Variants in BBOF1 observed in about 807,000 individuals in gnomAD.
The protein encoded by BBOF1 is basal body orientation factor 1.
A neutral mutation model predicts 68.0 loss-of-function variants in BBOF1; 62 were observed. That is an observed-to-expected ratio of 0.91 (90% CI 0.74 to 1.13). The LOEUF (loss-of-function observed/expected upper bound fraction) is 1.13, where lower values mean the gene tolerates loss of function less well. BBOF1 is among the 50% of genes most tolerant of loss of function. The probability of loss-of-function intolerance (pLI) is 0.00; values close to 1 mark genes in which losing one functional copy is unlikely to be tolerated. For missense variants in BBOF1, 534 were observed against 600.1 expected (o/e 0.89, Z 1.15); for synonymous variants, 208 against 198.8 (o/e 1.05, Z -0.39).
intron 5 of BBOF1, among the ~76,000 whole-genome samples, chr14:74,045,437 G>A (rs1048722463): frequency 6.6e-6 from 1 of 152,102 alleles, no homozygotes; most frequent in Non-Finnish European, 1.5e-5. Context: ...AGCCTACCGA[G>A]AAGCTGGGAT....
intron 2 of BBOF1, among the ~76,000 whole-genome samples, chr14:74,025,478 T>C (rs2059402547): frequency 6.6e-6 from 1 of 152,210 alleles, no homozygotes; most frequent in South Asian, 2.1e-4. Flanking sequence ...TTAAACTGTT[T>C]ATAGTCATGT....
downstream of BBOF1, among the ~76,000 whole-genome samples, chr14:74,066,300 T>C (rs1461585239): frequency 6.6e-6 from 1 of 152,204 alleles, no homozygotes; most frequent in East Asian, 1.9e-4. Context: ...AAATGGTTTT[T>C]GCATTTTTAA....
intron 4 of BBOF1, among the ~76,000 whole-genome samples, chr14:74,036,369 G>T (rs1259417376): frequency 6.6e-6 from 1 of 152,046 alleles, no homozygotes; most frequent in Non-Finnish European, 1.5e-5. Context: ...AAATATCACA[G>T]TTCTGATCAC....
downstream of BBOF1, chr14:74,067,572 A>G (rs1212005033): frequency 1.3e-6 from 2 of 1,546,126 alleles, no homozygotes; most frequent in South Asian, 1.1e-5. Flanking sequence ...TTGGCTCCCT[A>G]AAAAAAAATG....
chr14:74,025,544 A>C (rs2059404308), intron 2 of BBOF1, among the ~76,000 whole-genome samples: 1 of 152,216 alleles, frequency 6.6e-6, no homozygotes, highest in Non-Finnish European at 1.5e-5. Context: ...TATTATGAAC[A>C]AAATTAGGAG....
chr14:74,081,267 G>C (rs1261008430), exon 12 of BBOF1: 4 of 152,136 alleles, frequency 2.6e-5, no homozygotes, highest in Admixed American at 6.6e-5. Flanking sequence ...CACAATTCCT[G>C]GAAGAGAGTA....
Position 74,055,686 on chromosome 14 carries a change from G to T in BBOF1, c.1388+1G>T, listed in dbSNP as rs1396190545. 3 of 1,607,314 alleles carry T rather than the reference G, an allele frequency of 1.9e-6. No homozygotes were observed. The highest frequency in any genetic ancestry group is 2.6e-6 in the Non-Finnish European group (3 of 1,174,336). On this transcript the variant is annotated splice_donor_variant, in intron 9 of 11. Transcript: ENST00000394009. LOFTEE classifies it high-confidence loss of function. ...CAAAAATGAATGGCTGTCCTTCTAGGTAACTCCCTATTTCTGCAGTGAAAT... is the reference window on the plus strand; with the variant it reads ...CAAAAATGAATGGCTGTCCTTCTAGTTAACTCCCTATTTCTGCAGTGAAAT...
At position 74,053,675 on chromosome 14, in the gene BBOF1, A is replaced by G. The variant is rs568711527; in HGVS notation, c.1287-1909A>G. 4.0e-5 allele frequency among the ~76,000 whole-genome samples: 6 copies of G among 148,602 alleles called. No individual in the cohort carries two copies. In the South Asian group the frequency reaches 1.3e-3, roughly 32 times the overall value. On this transcript the variant is annotated intron_variant, in intron 8 of 11. Coordinates refer to ENST00000394009, the MANE Select transcript of BBOF1 (RefSeq NM_025057.3). ...TCCCACCTTGGCCTCCCAAAGCTCC[A>G]GGATTACAGGTGTGAGCCACCGCAC...
intron 4 of BBOF1, among the ~76,000 whole-genome samples, chr14:74,034,607 A>G (rs2059653344): frequency 6.6e-6 from 1 of 152,218 alleles, no homozygotes; most frequent in African/African-American, 2.4e-5. Flanking sequence ...CAGAAAATTT[A>G]TGTTACCTTT....
chr14:74,071,327 T>C (rs376584594), intron 9 of BBOF1: 14 of 1,614,050 alleles, frequency 8.7e-6, no homozygotes, highest in Non-Finnish European at 1.1e-5. Flanking sequence ...CCACACACCA[T>C]GGCCATGGGA....
intron 5 of BBOF1, among the ~76,000 whole-genome samples, chr14:74,043,822 C>T (rs1039777235): frequency 1.3e-5 from 2 of 151,722 alleles, no homozygotes; most frequent in Non-Finnish European, 2.9e-5. Context: ...TGTGAGCCAC[C>T]ACTCCTGGCC....
intron 11 of BBOF1, among the ~76,000 whole-genome samples, chr14:74,061,758 A>C (rs1023198972): frequency 1.7e-4 from 26 of 152,292 alleles, no homozygotes; most frequent in East Asian, 5.8e-4. Flanking sequence ...ATGTGAGCCC[A>C]AAAATTCAGC....
Position 74,065,077 on chromosome 14 carries a change from G to A in BBOF1, c.*378G>A. On this transcript the variant is annotated 3_prime_UTR_variant, in exon 12 of 12. Transcript: ENST00000394009. ...GAGGAAGAAATGGGGCAATGTGGGA[G>A]GTCATGGGGGCAATCTTAAACCAAT... The A allele has an allele frequency of 1.4e-6, 2 of 1,434,540 alleles. No individual in the cohort carries two copies. The highest frequency in any genetic ancestry group is 1.9e-6 in the Non-Finnish European group (2 of 1,027,876). 88.9% of individuals were successfully genotyped at this position (1,434,540 alleles called of 1,614,324 possible).
intron 8 of BBOF1, among the ~76,000 whole-genome samples, chr14:74,053,055 AT>A (rs971261702): frequency 1.3e-4 from 19 of 151,918 alleles, no homozygotes; most frequent in African/African-American, 4.6e-4. Flanking sequence ...AATAAAATAA[AT>A]TTTTTAAAAA....
At chr14:74,019,571 G>C (rs1168663866) in intron 1 of BBOF1, 37 bp downstream of exon 1, 4 of 1,561,746 alleles carry the variant, frequency 2.6e-6, no homozygotes, top group Middle Eastern at 1.7e-4. Context: ...CTCTCCCTGG[G>C]CCTGCCTGGG....
intron 9 of BBOF1, among the ~76,000 whole-genome samples, chr14:74,073,810 C>T (rs1161251568): frequency 3.4e-5 from 5 of 149,090 alleles, no homozygotes; most frequent in East Asian, 2.1e-4. Flanking sequence ...CCTAGCTATT[C>T]GGGAGGTTGA....
At chr14:74,067,494 A>G (rs1327973779), downstream of BBOF1, 2 of 1,614,078 alleles carry the variant, frequency 1.2e-6, no homozygotes, top group Non-Finnish European at 8.5e-7. Context: ...GCAGCTCCAA[A>G]TGCTGCCCCA....
At chr14:74,034,934 T>A (rs1252221812) in intron 4 of BBOF1, among the ~76,000 whole-genome samples, 1 of 151,806 alleles carries the variant, frequency 6.6e-6, no homozygotes, top group Non-Finnish European at 1.5e-5. Context: ...TACAAAAAAA[T>A]GTTTTAAATT....
chr14:74,069,097 T>TTTTA, downstream of BBOF1: 9 of 1,034,406 alleles, frequency 8.7e-6, no homozygotes, highest in South Asian at 1.5e-5. Flanking sequence ...TTCTTTTACT[T>TTTTA]TTTCTTTTTT....
Sources: allele counts gnomAD v4.1 joint callset (sites outside exome capture counted in the v4.1 genomes callset), GRCh38; gene constraint gnomAD v4.1.1; transcripts MANE v1.5; gene names NCBI Gene and HGNC (gene_info 2026-07-23, HGNC 2026-07-21).